The following GNAI1 variants were observed in gnomAD, a reference collection of about 807,000 sequenced individuals.
The protein encoded by GNAI1 is G protein subunit alpha i1.
A neutral mutation model predicts 38.9 loss-of-function variants in GNAI1; 11 were observed. The ratio of observed to expected loss-of-function variants is 0.28; its 90% CI spans 0.18 to 0.47. GNAI1 has a LOEUF of 0.47. Ranked by LOEUF, GNAI1 falls within the 20% of genes least tolerant of loss-of-function variation. The probability of loss-of-function intolerance (pLI) is 0.99; values close to 1 mark genes in which losing one functional copy is unlikely to be tolerated. For missense variants in GNAI1, 317 were observed against 436.9 expected (o/e 0.73, Z 2.45); for synonymous variants, 166 against 145.1 (o/e 1.14, Z -1.04).
rs1385382022 is a variant in GNAI1, at chr7:80,222,081, G to A, written c.*4588G>A. On this transcript the variant is annotated 3_prime_UTR_variant, in exon 8 of 8. Transcript: ENST00000649796. ...ATTACTGTTTGCTTTGGTGTCTGTT[G>A]TGATTTCTCTTATTTAGTTGGATTT... Among the ~76,000 whole-genome samples, 3 of 151,978 alleles carry A rather than the reference G, an allele frequency of 2.0e-5. No individual in the cohort carries two copies. Among genetic ancestry groups the A allele is most frequent in the South Asian group, 4.1e-4 (2 of 4,824 alleles).
chr7:80,165,069 G>A (rs1053390656), intron 1 of GNAI1, among the ~76,000 whole-genome samples: 7 of 152,054 alleles, frequency 4.6e-5, no homozygotes, highest in African/African-American at 4.8e-5. Context: ...CACCAAGACC[G>A]AACTGAAGGG....
chr7:80,141,220 A>C (rs1343593109), intron 1 of GNAI1, among the ~76,000 whole-genome samples: 1 of 152,294 alleles, frequency 6.6e-6, no homozygotes, highest in East Asian at 1.9e-4. Flanking sequence ...CCAAAGGCTC[A>C]TGTGCATCCT....
chr7:80,186,492 G>T (rs1246162374), intron 1 of GNAI1, among the ~76,000 whole-genome samples: 1 of 150,320 alleles, frequency 6.7e-6, no homozygotes, highest in Non-Finnish European at 1.5e-5. Context: ...AGGAAAATTT[G>T]TTTTTTTTTC....
chr7:80,156,980 T>C (rs937646712), intron 1 of GNAI1, among the ~76,000 whole-genome samples: 10 of 152,188 alleles, frequency 6.6e-5, no homozygotes, highest in Admixed American at 5.9e-4. Flanking sequence ...AAGACTTTAG[T>C]TTTACATTAG....
chr7:80,212,957 A>G (rs1359800336), intron 7 of GNAI1, 88 bp downstream of exon 7: 6 of 892,070 alleles, frequency 6.7e-6, no homozygotes, highest in African/African-American at 1.8e-5. Context: ...GTTAATTTAA[A>G]TCTCTTGGCT....
At chr7:80,211,283 A>G in intron 6 of GNAI1, among the ~76,000 whole-genome samples, 185 bp downstream of exon 6, 1 of 152,186 alleles carries the variant, frequency 6.6e-6, no homozygotes, top group East Asian at 1.9e-4. Flanking sequence ...AAACATGGAG[A>G]GTCAATCTCA....
chr7:80,139,307 C>G (rs1024421423), intron 1 of GNAI1, among the ~76,000 whole-genome samples: 2 of 152,158 alleles, frequency 1.3e-5, no homozygotes, highest in Non-Finnish European at 2.9e-5. Context: ...CCTGTTCTTT[C>G]TACTGCAGAT....
intron 1 of GNAI1, among the ~76,000 whole-genome samples, chr7:80,142,200 G>T (rs1427732917): frequency 6.6e-6 from 1 of 151,898 alleles, no homozygotes; most frequent in Non-Finnish European, 1.5e-5. Context: ...TTAGGTGTTT[G>T]TTATAGCAGC....
chr7:80,204,418 G>A (rs1584049333), intron 5 of GNAI1, among the ~76,000 whole-genome samples: 2 of 152,046 alleles, frequency 1.3e-5, no homozygotes, highest in East Asian at 1.9e-4. Context: ...GGGTCTTGGA[G>A]TGCATATTTT....
intron 2 of GNAI1, 38 bp downstream of exon 2, chr7:80,189,031 A>G: frequency 6.2e-7 from 1 of 1,601,676 alleles, no homozygotes; most frequent in Non-Finnish European, 8.6e-7. Context: ...TGTTTAAGTT[A>G]GTGTACCGTT....
At chr7:80,183,114 A>C (rs1253084882) in intron 1 of GNAI1, among the ~76,000 whole-genome samples, 1 of 152,184 alleles carries the variant, frequency 6.6e-6, no homozygotes, top group African/African-American at 2.4e-5. Flanking sequence ...AGCTGGCAGA[A>C]GGCCTATTTT....
intron 1 of GNAI1, among the ~76,000 whole-genome samples, chr7:80,166,181 A>G (rs1271182499): frequency 6.6e-6 from 1 of 152,182 alleles, no homozygotes; most frequent in Admixed American, 6.5e-5. Context: ...TTTGCTTACT[A>G]CCATTCACTA....
chr7:80,216,702 A>G (rs572694430), intron 7 of GNAI1, among the ~76,000 whole-genome samples: 5 of 152,256 alleles, frequency 3.3e-5, no homozygotes, highest in Non-Finnish European at 5.9e-5. Flanking sequence ...GATATTGCCA[A>G]ACAATTTCTG....
At chr7:80,177,982 T>G (rs985383775) in intron 1 of GNAI1, among the ~76,000 whole-genome samples, 7 of 152,208 alleles carry the variant, frequency 4.6e-5, no homozygotes, top group Non-Finnish European at 1.0e-4. Flanking sequence ...GAAAAACATT[T>G]GTGATTCATG....
chr7:80,185,106 C>T (rs1355289012), intron 1 of GNAI1, among the ~76,000 whole-genome samples: 1 of 152,152 alleles, frequency 6.6e-6, no homozygotes, highest in Non-Finnish European at 1.5e-5. Context: ...GTAACAGCAA[C>T]TTGGCTGAGT....
At chr7:80,189,328 G>A (rs1444672759) in intron 3 of GNAI1, 97 bp downstream of exon 3, 3 of 1,079,110 alleles carry the variant, frequency 2.8e-6, no homozygotes, top group Non-Finnish European at 4.1e-6. Context: ...CAACTATCAG[G>A]ACCATTTCAT....
chr7:80,164,404 C>T (rs185044333), intron 1 of GNAI1, among the ~76,000 whole-genome samples: 131 of 151,794 alleles, frequency 8.6e-4, no homozygotes, highest in Admixed American at 5.4e-3. Context: ...GCTCTGTCGC[C>T]CAGGCTGGAG....
chr7:80,165,845 A>T (rs2116142159), intron 1 of GNAI1, among the ~76,000 whole-genome samples: 1 of 152,314 alleles, frequency 6.6e-6, no homozygotes, highest in Non-Finnish European at 1.5e-5. Context: ...TATGTAAAAT[A>T]CTTTGATAGC....
intron 1 of GNAI1, among the ~76,000 whole-genome samples, chr7:80,184,817 T>C (rs1788361709): frequency 6.6e-6 from 1 of 152,166 alleles, no homozygotes; most frequent in Non-Finnish European, 1.5e-5. Context: ...AACTTTGGCT[T>C]TATCGCCACT....
Sources: allele counts gnomAD v4.1 joint callset (sites outside exome capture counted in the v4.1 genomes callset), GRCh38; gene constraint gnomAD v4.1.1; transcripts MANE v1.5; gene names NCBI Gene and HGNC (gene_info 2026-07-23, HGNC 2026-07-21).